LTF: variants seen among roughly 807,000 people sequenced by gnomAD.
LTF encodes the protein lactotransferrin, also known as epididymis luminal protein 110.
In LTF, 91 loss-of-function variants were observed where a neutral mutation model predicts 87.2. The observed-to-expected ratio is 1.04, with a 90% CI of 0.88 to 1.24. The LOEUF is 1.24. LTF is among the 50% of genes most tolerant of loss of function. The probability of loss-of-function intolerance (pLI) is 0.00; values close to 1 mark genes in which losing one functional copy is unlikely to be tolerated. For missense variants in LTF, 901 were observed against 904.3 expected, an observed-to-expected ratio of 1.00 and a Z score of 0.05; for synonymous variants, 378 against 356.1, an observed-to-expected ratio of 1.06 and a Z score of -0.69.
At chr3:46,482,471 A>G (rs190432200) in intron 1 of LTF, among the ~76,000 whole-genome samples, 4 of 126,636 alleles carry the variant, frequency 3.2e-5, no homozygotes, top group Admixed American at 1.9e-4. Context: ...CTCTGTCAAA[A>G]AAGAAAGGAG....
chr3:46,436,556 G>C (rs781108723), intron 16 of LTF, among the ~76,000 whole-genome samples: 2 of 152,224 alleles, frequency 1.3e-5, no homozygotes, highest in Non-Finnish European at 2.9e-5. Context: ...CCCGGAATGT[G>C]AACCTGTTTG....
At position 46,447,025 on chromosome 3, in the gene LTF, T is replaced by C. The variant is rs565576961; in HGVS notation, c.1303+283A>G. Among the ~76,000 whole-genome samples, 5 of 152,288 alleles carry C rather than the reference T, an allele frequency of 3.3e-5. No homozygotes were observed. In the South Asian group the frequency reaches 1.0e-3, roughly 32 times the overall value. On this transcript the variant is annotated intron_variant, in intron 10 of 16. Coordinates refer to ENST00000231751, the MANE Select transcript of LTF (RefSeq NM_002343.6). ...AGCATGGACTGTACAGTGTGTGAAG[T>C]GCCATGAGTTGTACATTTATGTGCA...
intron 14 of LTF, 92 bp downstream of exon 14, chr3:46,441,324 T>C (rs1041060528): frequency 2.0e-6 from 2 of 987,288 alleles, no homozygotes; most frequent in Admixed American, 2.5e-5. Context: ...GAAAATGTTA[T>C]AAAACCTTCC....
intron 14 of LTF, 22 bp downstream of exon 14, chr3:46,441,394 A>G (rs1702511243): frequency 1.9e-6 from 3 of 1,599,360 alleles, no homozygotes; most frequent in Non-Finnish European, 2.6e-6. Flanking sequence ...TTTGAAGGAG[A>G]AAAGGAAACA....
intron 12 of LTF, 74 bp downstream of exon 12, chr3:46,445,207 T>C (rs879103320): frequency 7.1e-7 from 1 of 1,417,054 alleles, no homozygotes; most frequent in Non-Finnish European, 9.5e-7. Context: ...CTCCCCTCCC[T>C]TCCCTAAGGT....
At chr3:46,482,595 GAGAA>G (rs1486137755) in intron 1 of LTF, among the ~76,000 whole-genome samples, 23 of 78,190 alleles carry the variant, frequency 2.9e-4, no homozygotes, top group African/African-American at 7.4e-4. Context: ...GAGAAAGAGA[GAGAA>G]AGAAAGAAAG....
intron 9 of LTF, 63 bp from the exon 10 acceptor site, chr3:46,447,461 A>G (rs960512139): frequency 8.8e-7 from 1 of 1,135,082 alleles, no homozygotes; most frequent in Non-Finnish European, 1.3e-6. Flanking sequence ...GCCTGTCTAT[A>G]TAGCTCTCTG....
chr3:46,453,203 A>G (rs773280824), intron 6 of LTF, among the ~76,000 whole-genome samples: 2 of 152,276 alleles, frequency 1.3e-5, no homozygotes, highest in African/African-American at 2.4e-5. Flanking sequence ...CCAAACGGCT[A>G]GCAAATATGT....
intron 9 of LTF, 31 bp from the exon 10 acceptor site, chr3:46,447,429 C>T (rs1559597087): frequency 6.7e-7 from 1 of 1,494,986 alleles, no homozygotes. Flanking sequence ...TCCAGCACCA[C>T]AGTGAGGCTG....
At chr3:46,441,571 T>C in intron 13 of LTF, 88 bp from the exon 14 acceptor site, 1 of 937,042 alleles carries the variant, frequency 1.1e-6, no homozygotes, top group Admixed American at 2.1e-5. Flanking sequence ...TTCCAAAAAC[T>C]GAAATATGGA....
At chr3:46,469,264 C>T (rs951560737), upstream of LTF, among the ~76,000 whole-genome samples, 4 of 152,226 alleles carry the variant, frequency 2.6e-5, no homozygotes, top group African/African-American at 9.6e-5. Context: ...CAGCCAGGGG[C>T]TTTCTCCTCC....
Position 46,482,792 on chromosome 3 carries a change from A to C in LTF, c.-320+2194T>G, listed in dbSNP as rs553886195. On this transcript the variant is annotated intron_variant, in intron 1 of 19. Coordinates refer to the LTF transcript ENST00000443496. Reference sequence around the variant, plus strand: ...AAGAAAGAAAGAAAAAGAAAGAAAGAAAGAAGGAAGGAAAGAAAGAAAGAA... The same window carrying C: ...AAGAAAGAAAGAAAAAGAAAGAAAGCAAGAAGGAAGGAAAGAAAGAAAGAA... Among the ~76,000 whole-genome samples, 139 of 131,706 alleles carry C rather than the reference A, an allele frequency of 1.1e-3. 1 individual carries two copies. Among genetic ancestry groups the C allele is most frequent in the African/African-American group, 3.5e-3 (136 of 39,024 alleles). The allele number at this position is 131,706 out of a possible 152,430, so 86.4% of individuals were successfully genotyped here.
At chr3:46,472,488 T>TTGTG (rs34825595) in intron 1 of LTF, among the ~76,000 whole-genome samples, 8,934 of 105,448 alleles carry the variant, frequency 0.085, 397 homozygotes, top group Middle Eastern at 0.14. Context: ...GAAAAGATTA[T>TTGTG]TGTGTGTGTG....
intron 13 of LTF, among the ~76,000 whole-genome samples, chr3:46,443,147 T>C (rs371664114): frequency 6.6e-5 from 10 of 152,348 alleles, no homozygotes; most frequent in African/African-American, 2.4e-4. Context: ...TACCACACTC[T>C]ACCCATTTGA....
chr3:46,436,395 T>C (rs1239398781), intron 16 of LTF, among the ~76,000 whole-genome samples, 166 bp from the exon 17 acceptor site: 10 of 152,236 alleles, frequency 6.6e-5, no homozygotes, highest in Admixed American at 6.5e-4. Context: ...TCCTAGCGAC[T>C]ACGGTGTTCA....
At chr3:46,461,530 A>C (rs1703080368) in intron 1 of LTF, among the ~76,000 whole-genome samples, 1 of 152,232 alleles carries the variant, frequency 6.6e-6, no homozygotes, top group South Asian at 2.1e-4. Flanking sequence ...AGCCAGACAC[A>C]AGAGACCACA....
intron 11 of LTF, 74 bp downstream of exon 11, chr3:46,446,366 T>TA: frequency 7.9e-7 from 1 of 1,273,604 alleles, no homozygotes; most frequent in Non-Finnish European, 1.1e-6. Flanking sequence ...CTGTTTTTTT[T>TA]ACAGTTCCTG....
chr3:46,459,703 T>C lies in LTF; in HGVS notation c.160A>G (p.Ser54Gly), dbSNP rs1703027893. 1.3e-6 allele frequency: 2 copies of C among 1,573,076 alleles called. No individual in the cohort carries two copies. Among genetic ancestry groups the C allele is most frequent in the South Asian group, 2.4e-5 (2 of 84,572 alleles). ...ATGGGGGAGTCTCTCTTTATGCAGC[T>C]GACAGGAGGGCCACGCACTTTTCTC... ...NMRKVRGPPV[S>G]CIKRDSPIQC... Residue 54 changes from serine to glycine, a missense_variant, in exon 2 of 17, where the codon AGC becomes GGC. Coordinates refer to ENST00000231751, the MANE Select transcript of LTF (RefSeq NM_002343.6).
chr3:46,459,381 A>C (rs557210536), intron 2 of LTF, among the ~76,000 whole-genome samples: 2 of 152,312 alleles, frequency 1.3e-5, no homozygotes, highest in African/African-American at 4.8e-5. Flanking sequence ...AATACAACTG[A>C]TTACATTTCA....
Sources: allele counts gnomAD v4.1 joint callset (sites outside exome capture counted in the v4.1 genomes callset), GRCh38; gene constraint gnomAD v4.1.1; transcripts MANE v1.5; gene names NCBI Gene and HGNC (gene_info 2026-07-23, HGNC 2026-07-21).